NRCAM: variants seen among roughly 807,000 people sequenced by gnomAD.
NRCAM encodes the protein NgCAM-related cell adhesion molecule.
NRCAM carries 83 observed loss-of-function variants against 156.5 expected under a neutral mutation model. That is an observed-to-expected ratio of 0.53 (90% CI 0.44 to 0.64). NRCAM has a LOEUF of 0.64. Ranked by LOEUF, NRCAM falls within the 30% of genes least tolerant of loss-of-function variation. The pLI is 0.00. For synonymous variants in NRCAM, 538 were observed against 563.9 expected (o/e 0.95, Z 0.65); for missense variants, 1,417 against 1,597.3 (o/e 0.89, Z 1.92).
At chr7:108,423,614 A>C (rs1813162610) in intron 1 of NRCAM, among the ~76,000 whole-genome samples, 1 of 152,268 alleles carries the variant, frequency 6.6e-6, no homozygotes, top group African/African-American at 2.4e-5. Context: ...CAGTCGTTGC[A>C]TAAGTCTATA....
intron 13 of NRCAM, among the ~76,000 whole-genome samples, chr7:108,198,394 C>G (rs186305383): frequency 6.6e-6 from 1 of 151,424 alleles, no homozygotes; most frequent in Non-Finnish European, 1.5e-5. Context: ...CCCCTTGTAT[C>G]TTTTTTTTAA....
chr7:108,384,372 A>G (rs1001400915), intron 2 of NRCAM, among the ~76,000 whole-genome samples: 1 of 152,184 alleles, frequency 6.6e-6, no homozygotes, highest in Non-Finnish European at 1.5e-5. Context: ...GAAAAAAAAT[A>G]AAGAATTGTT....
chr7:108,410,561 C>G (rs1412548543), intron 1 of NRCAM, among the ~76,000 whole-genome samples: 2 of 152,324 alleles, frequency 1.3e-5, no homozygotes, highest in East Asian at 3.9e-4. Context: ...GAGGTAGGGA[C>G]TGGGCCTTGA....
At chr7:108,167,208 T>G in intron 29 of NRCAM, 135 bp from the exon 30 acceptor site, 2 of 636,882 alleles carry the variant, frequency 3.1e-6, no homozygotes, top group Non-Finnish European at 5.3e-6. Context: ...TTTAGATTAT[T>G]ATAAATGTAG....
chr7:108,342,227 G>A (rs2098419), intron 2 of NRCAM, among the ~76,000 whole-genome samples: 32,313 of 152,106 alleles, frequency 0.21, 3,920 homozygotes, highest in East Asian at 0.45. Context: ...AGCCACCCAA[G>A]CACTCTTAAA....
chr7:108,401,645 C>G (rs182384697), intron 1 of NRCAM, among the ~76,000 whole-genome samples: 23 of 152,144 alleles, frequency 1.5e-4, no homozygotes, highest in Admixed American at 1.5e-3. Flanking sequence ...CACAAGAACT[C>G]TCTGACCTAG....
chr7:108,176,339 C>A, intron 27 of NRCAM, 91 bp downstream of exon 27: 1 of 1,123,538 alleles, frequency 8.9e-7, no homozygotes. Flanking sequence ...GTAAGACAGA[C>A]GTTCCATAGC....
At chr7:108,382,941 G>T (rs1469898909) in intron 2 of NRCAM, among the ~76,000 whole-genome samples, 2 of 152,126 alleles carry the variant, frequency 1.3e-5, no homozygotes, top group African/African-American at 4.8e-5. Context: ...TTGTGAATTG[G>T]AGGAAATCAC....
At chr7:108,426,255 T>G (rs975270264) in intron 1 of NRCAM, among the ~76,000 whole-genome samples, 3 of 152,248 alleles carry the variant, frequency 2.0e-5, no homozygotes, top group Non-Finnish European at 2.9e-5. Flanking sequence ...CTCTTATAAA[T>G]GTATATGCAC....
chr7:108,165,263 T>C lies in NRCAM; in HGVS notation c.3466+1658A>G, dbSNP rs141511497. Among the ~76,000 whole-genome samples, 953 of 152,240 alleles carry C rather than the reference T, an allele frequency of 6.3e-3. 8 individuals are homozygous for C. The highest frequency in any genetic ancestry group is 9.8e-3 in the Non-Finnish European group (666 of 68,010). ...TGGGGGTATAGTGAGGCCTTTCTTC[T>C]GGAGACGGAACGACAAGCTTCTAAT... On this transcript the variant is annotated intron_variant, in intron 30 of 32. Transcript: ENST00000379028.
intron 20 of NRCAM, among the ~76,000 whole-genome samples, chr7:108,187,482 T>C (rs575012746): frequency 6.6e-6 from 1 of 152,346 alleles, no homozygotes; most frequent in Non-Finnish European, 1.5e-5. Flanking sequence ...CATTCAAATG[T>C]TCTTTTAGTG....
At chr7:108,351,534 G>T (rs1318896503) in intron 2 of NRCAM, among the ~76,000 whole-genome samples, 21 of 152,196 alleles carry the variant, frequency 1.4e-4, no homozygotes, top group Admixed American at 1.4e-3. Context: ...GATTGGATCA[G>T]GGCTCTCTCC....
intron 30 of NRCAM, among the ~76,000 whole-genome samples, chr7:108,161,832 C>T (rs1472567882): frequency 6.6e-6 from 1 of 152,096 alleles, no homozygotes; most frequent in Non-Finnish European, 1.5e-5. Flanking sequence ...GCAAAAATAC[C>T]TTATTTGAAA....
At chr7:108,215,365 A>C (rs2087592814) in intron 11 of NRCAM, among the ~76,000 whole-genome samples, 1 of 151,894 alleles carries the variant, frequency 6.6e-6, no homozygotes, top group African/African-American at 2.4e-5. Flanking sequence ...GGTGCCTGCC[A>C]CCATGCCTAG....
chr7:108,452,391 A>AT (rs1598612424), intron 1 of NRCAM, among the ~76,000 whole-genome samples: 1 of 149,246 alleles, frequency 6.7e-6, no homozygotes, highest in Non-Finnish European at 1.5e-5. Context: ...CTTGTCAATT[A>AT]TATCTCATTA....
In NRCAM at chr7:108,175,938, C is replaced by G. The variant is rs371960377; in HGVS notation, c.3151+492G>C. ...ACAAAATAAATGCACTCTTTAATAA[C>G]TGTTTCGATTTCCTTGCTAGAAAAT... On this transcript the variant is annotated intron_variant, in intron 27 of 32. Transcript: ENST00000379028. 9.9e-5 allele frequency among the ~76,000 whole-genome samples: 15 copies of G among 152,192 alleles called. 1 individual carries two copies. The highest frequency in any genetic ancestry group is 9.2e-4 in the Admixed American group (14 of 15,288).
chr7:108,299,447 G>A (rs1200486000), intron 3 of NRCAM, among the ~76,000 whole-genome samples: 1 of 152,112 alleles, frequency 6.6e-6, no homozygotes, highest in Non-Finnish European at 1.5e-5. Context: ...TACAGTCCAA[G>A]AATTTTTTTT....
intron 2 of NRCAM, among the ~76,000 whole-genome samples, chr7:108,382,274 A>G (rs1186487839): frequency 6.6e-6 from 1 of 150,788 alleles, no homozygotes; most frequent in Non-Finnish European, 1.5e-5. Flanking sequence ...AGGTAAAGGT[A>G]GAGTTTGGTA....
At chr7:108,313,495 G>A (rs905751008) in intron 2 of NRCAM, among the ~76,000 whole-genome samples, 7 of 152,174 alleles carry the variant, frequency 4.6e-5, no homozygotes, top group African/African-American at 1.2e-4. Flanking sequence ...CTTCAGAGAA[G>A]AGAAACAAGT....
Sources: gnomAD v4.1 joint callset for allele counts (sites outside exome capture counted in the v4.1 genomes callset) on GRCh38, gnomAD v4.1.1 for gene constraint, MANE v1.5 for transcripts, NCBI Gene and HGNC (gene_info 2026-07-23, HGNC 2026-07-21) for gene names.